Variants in LIPN observed in about 807,000 individuals in gnomAD.
The protein encoded by LIPN is lipase family member N.
A neutral mutation model predicts 43.7 loss-of-function variants in LIPN; 32 were observed. That is an observed-to-expected ratio of 0.73 (90% confidence interval 0.55 to 0.98). The LOEUF (loss-of-function observed/expected upper bound fraction) is 0.98. Among genes scored for constraint, LIPN ranks in the 50% least tolerant of loss-of-function variants. The pLI, the probability that LIPN is intolerant of heterozygous loss-of-function variation, is 0.00. For synonymous variants in LIPN, 156 were observed against 157.6 expected (o/e 0.99, Z 0.08); for missense variants, 505 against 483.8 (o/e 1.04, Z -0.41).
At chr10:88,774,682 C>A in intron 8 of LIPN, 138 bp downstream of exon 8, 2 of 679,218 alleles carry the variant, frequency 2.9e-6, no homozygotes, top group Non-Finnish European at 5.2e-6. Flanking sequence ...CTTCTGTATG[C>A]CTTGATTTCC....
At chr10:88,768,249 C>T (rs1230213160) in intron 5 of LIPN, among the ~76,000 whole-genome samples, 1 of 151,810 alleles carries the variant, frequency 6.6e-6, no homozygotes, top group East Asian at 1.9e-4. Context: ...TAGGGAAAGC[C>T]CCTTTCTTTT....
chr10:88,770,712 T>C (rs902591500), intron 6 of LIPN, 133 bp from the exon 7 acceptor site: 7 of 532,280 alleles, frequency 1.3e-5, no homozygotes, highest in Non-Finnish European at 2.3e-5. Flanking sequence ...TTGCTATTGC[T>C]ATTTGGGCTT....
At chr10:88,768,231 G>A (rs1028781266) in intron 5 of LIPN, among the ~76,000 whole-genome samples, 3 of 151,916 alleles carry the variant, frequency 2.0e-5, no homozygotes, top group Non-Finnish European at 2.9e-5. Flanking sequence ...CTGGGCCATC[G>A]TGGATGCTAG....
chr10:88,757,818 T>C (rs1326477536), upstream of LIPN, among the ~76,000 whole-genome samples: 1 of 152,160 alleles, frequency 6.6e-6, no homozygotes, highest in Non-Finnish European at 1.5e-5. Context: ...TATAGACTTA[T>C]GGACACTTAT....
At chr10:88,764,385 C>A in intron 3 of LIPN, 25 bp from the exon 4 acceptor site, 1 of 1,575,240 alleles carries the variant, frequency 6.3e-7, no homozygotes, top group Non-Finnish European at 8.7e-7. Flanking sequence ...TTCTCCCTCT[C>A]TCATCTTACC....
intron 3 of LIPN, among the ~76,000 whole-genome samples, chr10:88,763,069 A>G (rs533006561): frequency 4.2e-4 from 64 of 152,160 alleles, no homozygotes; most frequent in African/African-American, 1.2e-3. Context: ...CACACATATT[A>G]AGGAGCAGCT....
At chr10:88,767,107 G>C (rs1342289798) in intron 5 of LIPN, among the ~76,000 whole-genome samples, 1 of 151,824 alleles carries the variant, frequency 6.6e-6, no homozygotes, top group African/African-American at 2.4e-5. Context: ...ACTAATAAAA[G>C]CTTTGAATTT....
chr10:88,765,811 CAT>C (rs1843086071), intron 4 of LIPN, among the ~76,000 whole-genome samples: 1 of 146,954 alleles, frequency 6.8e-6, no homozygotes, highest in South Asian at 2.5e-4. Context: ...AATGAGAAAA[CAT>C]AGGCTCAGAG....
intron 7 of LIPN, 22 bp from the exon 8 acceptor site, chr10:88,774,451 A>G (rs1434304218): frequency 6.3e-7 from 1 of 1,578,798 alleles, no homozygotes; most frequent in South Asian, 1.1e-5. Context: ...AATTGCTGTA[A>G]TATGAGTTTT....
chr10:88,764,319 C>T (rs551718645), intron 3 of LIPN, 91 bp from the exon 4 acceptor site: 68 of 973,718 alleles, frequency 7.0e-5, no homozygotes, highest in African/African-American at 6.5e-4. Context: ...GTGATGTTTC[C>T]GACATGCTCT....
At chr10:88,761,204 GACA>G (rs1045866740) in intron 1 of LIPN, among the ~76,000 whole-genome samples, 191 bp from the exon 2 acceptor site, 53 of 152,074 alleles carry the variant, frequency 3.5e-4, no homozygotes, top group African/African-American at 1.3e-3. Flanking sequence ...TTATAATCAA[GACA>G]ACTTCTACAT....
chr10:88,768,953 C>T (rs760491698), intron 6 of LIPN, 25 bp downstream of exon 6: 9 of 1,599,066 alleles, frequency 5.6e-6, no homozygotes, highest in South Asian at 3.3e-5. Context: ...ACAAAATGTA[C>T]CTGAGGATCT....
chr10:88,771,412 T>A (rs435742), intron 7 of LIPN, among the ~76,000 whole-genome samples: 120,567 of 151,522 alleles, frequency 0.8, 48,990 homozygotes, highest in East Asian at 1. Flanking sequence ...TCCTTCCCCC[T>A]CCCCTACTAC....
chr10:88,763,071 G>A (rs1200800386), intron 3 of LIPN, among the ~76,000 whole-genome samples: 1 of 151,982 alleles, frequency 6.6e-6, no homozygotes, highest in African/African-American at 2.4e-5. Context: ...CACATATTAA[G>A]GAGCAGCTGA....
rs755684764 is a variant in LIPN at position 88,766,391 on chromosome 10, G to A, written c.535+13G>A. 1.4e-6 allele frequency: 2 copies of A among 1,462,408 alleles called. No individual in the cohort carries two copies. Among genetic ancestry groups the A allele is most frequent in the Non-Finnish European group, 1.9e-6 (2 of 1,043,378 alleles). 90.6% of individuals were successfully genotyped at this position (1,462,408 alleles called of 1,614,324 possible). A position where few individuals can be genotyped will look rare whatever the true frequency, so the allele number is the denominator to read the frequency against. ...GGCACTACAATAGGTATGTTTATGA[G>A]GGTCACTGTTAGGTGTGTTTTTGAG... On this transcript the variant is annotated intron_variant, in intron 5 of 9. Coordinates refer to ENST00000404459, the MANE Select transcript of LIPN (RefSeq NM_001102469.2).
intron 3 of LIPN, among the ~76,000 whole-genome samples, chr10:88,762,742 T>TA (rs1335126039): frequency 6.6e-6 from 1 of 152,184 alleles, no homozygotes; most frequent in South Asian, 2.1e-4. Flanking sequence ...CTCTGCAGGA[T>TA]AAAAAACAAT....
intron 8 of LIPN, 113 bp downstream of exon 8, chr10:88,774,657 G>C: frequency 2.4e-6 from 2 of 843,904 alleles, no homozygotes; most frequent in Non-Finnish European, 3.9e-6. Flanking sequence ...CTTGCTTCCA[G>C]TTTGTCCTTG....
chr10:88,762,827 A>G (rs1318334700), intron 3 of LIPN, among the ~76,000 whole-genome samples: 3 of 152,210 alleles, frequency 2.0e-5, no homozygotes, highest in Non-Finnish European at 4.4e-5. Flanking sequence ...ACTTTGATCT[A>G]AGGGACAGAC....
intron 9 of LIPN, 50 bp from the exon 10 acceptor site, chr10:88,777,959 T>C (rs1843322176): frequency 8.7e-7 from 1 of 1,155,292 alleles, no homozygotes; most frequent in African/African-American, 1.5e-5. Context: ...TTTGTAGTTA[T>C]TGCTTTGAGG....
Sources: gnomAD v4.1 joint callset for allele counts (sites outside exome capture counted in the v4.1 genomes callset) on GRCh38, gnomAD v4.1.1 for gene constraint, MANE v1.5 for transcripts, NCBI Gene and HGNC (gene_info 2026-07-23, HGNC 2026-07-21) for gene names.